ZC2HC1A: variants seen among roughly 807,000 people sequenced by gnomAD.
ZC2HC1A encodes zinc finger C2HC-type containing 1A, also known as zinc finger C2HC domain-containing protein 1A.
Under a neutral mutation model 40.7 loss-of-function variants are expected in ZC2HC1A, and 28 were observed. That is an observed-to-expected ratio of 0.69 (90% confidence interval 0.51 to 0.94). The LOEUF is 0.94. Among genes scored for constraint, ZC2HC1A ranks in the 40% least tolerant of loss-of-function variants. The pLI is 0.00. For synonymous variants in ZC2HC1A, 129 were observed against 129.2 expected, an observed-to-expected ratio of 1.00 and a Z score of 0.01; for missense variants, 389 against 386.3, an observed-to-expected ratio of 1.01 and a Z score of -0.06.
chr8:78,714,274 A>G (rs929886478), intron 7 of ZC2HC1A, among the ~76,000 whole-genome samples: 3 of 152,172 alleles, frequency 2.0e-5, no homozygotes, highest in African/African-American at 7.2e-5. Context: ...AAATGGAGTT[A>G]TGAACGCTAC....
intron 1 of ZC2HC1A, among the ~76,000 whole-genome samples, chr8:78,672,493 C>T (rs769672347): frequency 2.6e-5 from 4 of 151,720 alleles, no homozygotes; most frequent in Admixed American, 6.6e-5. Context: ...TTTTTTTTAC[C>T]CTACACTCTG....
intron 7 of ZC2HC1A, among the ~76,000 whole-genome samples, chr8:78,700,518 C>A (rs7000639): frequency 0.016 from 2,400 of 152,220 alleles, 54 homozygotes; most frequent in African/African-American, 0.054. Context: ...AATTACAGCC[C>A]ATTTGTCAAT....
intron 7 of ZC2HC1A, among the ~76,000 whole-genome samples, chr8:78,702,457 C>G (rs747344571): frequency 2.0e-5 from 3 of 151,988 alleles, no homozygotes; most frequent in East Asian, 1.9e-4. Flanking sequence ...TTTCATGTAT[C>G]TTCTTCAGTT....
intron 7 of ZC2HC1A, among the ~76,000 whole-genome samples, chr8:78,706,604 C>T (rs577948891): frequency 6.6e-6 from 1 of 152,266 alleles, no homozygotes; most frequent in South Asian, 2.1e-4. Context: ...CATCCTGCCT[C>T]TCTTTTCTTT....
chr8:78,678,882 T>A, intron 3 of ZC2HC1A: 1 of 324,984 alleles, frequency 3.1e-6, no homozygotes, highest in Non-Finnish European at 5.4e-6. Flanking sequence ...AAAATAAGCT[T>A]CTAAACTTCA....
intron 4 of ZC2HC1A, among the ~76,000 whole-genome samples, chr8:78,687,529 T>G (rs1243145013): frequency 1.4e-5 from 2 of 143,888 alleles, no homozygotes; most frequent in Non-Finnish European, 3.0e-5. Context: ...TATAATAAAT[T>G]ATATATTTAT....
At chr8:78,697,901 A>G (rs73249918) in intron 6 of ZC2HC1A, among the ~76,000 whole-genome samples, 2,023 of 152,172 alleles carry the variant, frequency 0.013, 41 homozygotes, top group African/African-American at 0.047. Context: ...GATAATCTCT[A>G]TCTCCTGAAC....
chr8:78,675,343 A>T (rs1464534555), intron 1 of ZC2HC1A, among the ~76,000 whole-genome samples: 1 of 151,994 alleles, frequency 6.6e-6, no homozygotes, highest in African/African-American at 2.4e-5. Context: ...TAAACAGAGT[A>T]AGATTCGTTT....
chr8:78,670,925 C>T (rs1290291912), intron 1 of ZC2HC1A, among the ~76,000 whole-genome samples: 1 of 152,068 alleles, frequency 6.6e-6, no homozygotes, highest in Non-Finnish European at 1.5e-5. Context: ...TAATATTGAT[C>T]TGAAAGTAAT....
At chr8:78,696,386 C>T (rs988847071) in intron 5 of ZC2HC1A, among the ~76,000 whole-genome samples, 3 of 152,124 alleles carry the variant, frequency 2.0e-5, no homozygotes, top group Non-Finnish European at 4.4e-5. Context: ...GGCTACATTC[C>T]AAGCACATAT....
intron 1 of ZC2HC1A, among the ~76,000 whole-genome samples, chr8:78,673,018 T>A (rs1381161492): frequency 6.6e-6 from 1 of 152,086 alleles, no homozygotes; most frequent in Admixed American, 6.6e-5. Flanking sequence ...ATCTAGGTTT[T>A]AAGCCCCACA....
chr8:78,707,815 T>C (rs1371591961), intron 7 of ZC2HC1A, among the ~76,000 whole-genome samples: 1 of 151,966 alleles, frequency 6.6e-6, no homozygotes. Flanking sequence ...GAACCATTCA[T>C]AGCTGTCTAT....
At chr8:78,679,851 G>A (rs1809711292) in intron 3 of ZC2HC1A, among the ~76,000 whole-genome samples, 1 of 152,086 alleles carries the variant, frequency 6.6e-6, no homozygotes. Context: ...AAGTAAGGAT[G>A]GTGGGGTTTG....
intron 1 of ZC2HC1A, among the ~76,000 whole-genome samples, chr8:78,666,742 G>C (rs1418019906): frequency 1.3e-5 from 2 of 152,266 alleles, no homozygotes; most frequent in African/African-American, 2.4e-5. Context: ...TAGATTACCC[G>C]GAGGATTTGA....
intron 7 of ZC2HC1A, among the ~76,000 whole-genome samples, chr8:78,700,884 G>C (rs1388291284): frequency 6.6e-6 from 1 of 152,096 alleles, no homozygotes; most frequent in South Asian, 2.1e-4. Context: ...ATGCTGTTTT[G>C]ATTACTGTAG....
chr8:78,690,164 C>G (rs911527091), intron 5 of ZC2HC1A, among the ~76,000 whole-genome samples: 2 of 151,308 alleles, frequency 1.3e-5, no homozygotes, highest in Non-Finnish European at 3.0e-5. Context: ...ATTTATATCC[C>G]TGTCCTTTAG....
At position 78,717,473 on chromosome 8, in the gene ZC2HC1A, A is replaced by C; in HGVS notation, c.958A>C (p.Ile320Leu). ...GGCCAAATTTTGCTGTGAATGTGGC[A>C]TTCGAAGAATGATTCTATGAATAGA... ...EWAKFCCECG[I>L]RRMIL is the part of the protein sequence containing the mutation. Residue 320 changes from isoleucine (I) to leucine (L), a missense_variant, in exon 9 of 9, where the codon ATT becomes CTT. Physicochemically the swap from Ile to Leu is conservative, Grantham distance 5 (BLOSUM62 2). Transcript: ENST00000263849. The C allele has an allele frequency of 6.3e-7, 1 of 1,580,800 alleles. No individual in the cohort carries two copies. The highest frequency in any genetic ancestry group is 8.6e-7 in the Non-Finnish European group (1 of 1,169,332).
rs139814140 is a variant in ZC2HC1A at position 78,715,270 on chromosome 8, C to T, written c.754C>T (p.Pro252Ser). Reference sequence around the variant, plus strand: ...CACACCACCTAGTTTGGCAAGAAATCCTGCCCCAGGTGTGCTTACAAACAA... The same window carrying T: ...CACACCACCTAGTTTGGCAAGAAATTCTGCCCCAGGTGTGCTTACAAACAA... ...NSTPPSLARNPAPGVLTNKRK... is the reference protein window; with the variant it reads ...NSTPPSLARNSAPGVLTNKRK... Residue 252 changes from proline (P) to serine (S), a missense_variant, in exon 8 of 9, where the codon CCT becomes TCT. Pro to Ser is a moderately conservative substitution (Grantham distance 74). Transcript: ENST00000263849. 1.5e-3 allele frequency: 2,434 copies of T among 1,613,876 alleles called. 5 individuals carry two copies. Among genetic ancestry groups the T allele is most frequent in the Non-Finnish European group, 1.9e-3 (2,206 of 1,179,910 alleles).
At chr8:78,689,658 A>G (rs190145587) in intron 5 of ZC2HC1A, among the ~76,000 whole-genome samples, 14 of 152,042 alleles carry the variant, frequency 9.2e-5, no homozygotes, top group African/African-American at 2.9e-4. Context: ...AACATTATAT[A>G]TATGTATACA....
Sources: allele counts gnomAD v4.1 joint callset (sites outside exome capture counted in the v4.1 genomes callset), GRCh38; gene constraint gnomAD v4.1.1; transcripts MANE v1.5; gene names NCBI Gene and HGNC (gene_info 2026-07-23, HGNC 2026-07-21).